CNTN5: variants seen among roughly 807,000 people sequenced by gnomAD.
CNTN5 encodes the protein contactin-5.
A neutral mutation model predicts 129.1 loss-of-function variants in CNTN5; 77 were observed. The observed-to-expected ratio is 0.60, with a 90% CI of 0.50 to 0.72. The LOEUF is 0.72. Ranked by LOEUF, CNTN5 falls within the 30% of genes least tolerant of loss-of-function variation. The probability of loss-of-function intolerance (pLI) is 0.00; values close to 1 mark genes in which losing one functional copy is unlikely to be tolerated. For synonymous variants in CNTN5, 509 were observed against 465.6 expected, an observed-to-expected ratio of 1.09 and a Z score of -1.20; for missense variants, 1,478 against 1,328.8, an observed-to-expected ratio of 1.11 and a Z score of -1.75.
chr11:99,866,519 A>G (rs1304083958), intron 6 of CNTN5, among the ~76,000 whole-genome samples: 1 of 152,202 alleles, frequency 6.6e-6, no homozygotes, highest in Non-Finnish European at 1.5e-5. Context: ...GTGTGGCTAA[A>G]GTCTTCTCAA....
intron 2 of CNTN5, among the ~76,000 whole-genome samples, chr11:99,463,117 A>G (rs1944785340): frequency 6.8e-6 from 1 of 146,598 alleles, no homozygotes; most frequent in South Asian, 2.1e-4. Context: ...CAAAATAAAT[A>G]AATAAATAAA....
chr11:100,020,071 C>G (rs79455964), intron 9 of CNTN5, among the ~76,000 whole-genome samples: 1,818 of 151,956 alleles, frequency 0.012, 10 homozygotes, highest in Non-Finnish European at 0.018. Flanking sequence ...AATATTTTCT[C>G]CCATCTCATA....
chr11:100,137,671 T>C (rs1184167928), intron 13 of CNTN5, among the ~76,000 whole-genome samples: 1 of 152,120 alleles, frequency 6.6e-6, no homozygotes, highest in African/African-American at 2.4e-5. Flanking sequence ...TATTGAGAAC[T>C]TGGGCAAGTC....
At chr11:100,272,568 G>T (rs1950425964) in intron 18 of CNTN5, among the ~76,000 whole-genome samples, 1 of 152,018 alleles carries the variant, frequency 6.6e-6, no homozygotes, top group South Asian at 2.1e-4. Context: ...TGGCCCACTA[G>T]ACTCAAGACA....
At chr11:99,193,981 A>C (rs373547347) in intron 1 of CNTN5, among the ~76,000 whole-genome samples, 21,534 of 152,164 alleles carry the variant, frequency 0.14, 1,982 homozygotes, top group Non-Finnish European at 0.21. Flanking sequence ...ATGAATAGAG[A>C]ACATGGTAAG....
intron 1 of CNTN5, among the ~76,000 whole-genome samples, chr11:99,239,423 T>C (rs1413080401): frequency 6.6e-6 from 1 of 152,250 alleles, no homozygotes; most frequent in Non-Finnish European, 1.5e-5. Flanking sequence ...GGAACATTTT[T>C]TGATAGAGTC....
chr11:99,125,065 A>C (rs1200177093), intron 1 of CNTN5, among the ~76,000 whole-genome samples: 1 of 152,048 alleles, frequency 6.6e-6, no homozygotes, highest in African/African-American at 2.4e-5. Flanking sequence ...AATCCTACTG[A>C]AACTATTACA....
chr11:99,693,939 A>G (rs659505), intron 3 of CNTN5, among the ~76,000 whole-genome samples: 116,108 of 151,882 alleles, frequency 0.76, 44,701 homozygotes, highest in Middle Eastern at 0.86. Context: ...CTTTTGAGTG[A>G]GAGGAAGTCT....
intron 9 of CNTN5, among the ~76,000 whole-genome samples, chr11:100,025,728 A>G (rs938719099): frequency 6.6e-6 from 1 of 152,154 alleles, no homozygotes; most frequent in African/African-American, 2.4e-5. Context: ...TTAAGATTTG[A>G]CTGCCTCACT....
At chr11:100,129,814 A>C (rs552545762) in intron 13 of CNTN5, among the ~76,000 whole-genome samples, 46 of 151,306 alleles carry the variant, frequency 3.0e-4, no homozygotes, top group Middle Eastern at 3.4e-3. Flanking sequence ...AAAAACGAGA[A>C]TCTCATATAT....
At chr11:100,168,214 A>G (rs1008374977) in intron 13 of CNTN5, among the ~76,000 whole-genome samples, 2 of 152,008 alleles carry the variant, frequency 1.3e-5, no homozygotes, top group Non-Finnish European at 2.9e-5. Context: ...GCAGCAAGTT[A>G]CCCAGAAGAT....
At chr11:99,273,176 C>T (rs531505284) in intron 1 of CNTN5, among the ~76,000 whole-genome samples, 2 of 151,784 alleles carry the variant, frequency 1.3e-5, no homozygotes, top group South Asian at 4.2e-4. Context: ...GGGAAAAAGC[C>T]AAAAACAGAA....
intron 3 of CNTN5, among the ~76,000 whole-genome samples, chr11:99,799,047 T>G (rs996518355): frequency 6.6e-6 from 1 of 152,098 alleles, no homozygotes; most frequent in Non-Finnish European, 1.5e-5. Context: ...GATTATGTTC[T>G]TGTTATGGTC....
intron 3 of CNTN5, among the ~76,000 whole-genome samples, chr11:99,688,967 A>G (rs368951576): frequency 2.2e-4 from 33 of 152,214 alleles, no homozygotes; most frequent in African/African-American, 7.0e-4. Context: ...AGAGTATTCC[A>G]TGGTATATAT....
At chr11:99,513,228 G>A (rs1366710620) in intron 2 of CNTN5, among the ~76,000 whole-genome samples, 1 of 152,174 alleles carries the variant, frequency 6.6e-6, no homozygotes, top group Admixed American at 6.6e-5. Flanking sequence ...TTTGAAGGCT[G>A]ACAGAGTTGA....
In CNTN5 at chr11:99,315,956, G is replaced by A. The variant is rs540806151; in HGVS notation, c.-209-9390G>A. ...TGACGCAAATTATAGAGAGGTAAAT[G>A]GATTTGTGTGCCTCATGGGTATATG... On this transcript the variant is annotated intron_variant, in intron 1 of 24. Transcript: ENST00000524871. 2.9e-4 allele frequency among the ~76,000 whole-genome samples: 38 copies of A among 129,444 alleles called. 3 individuals are homozygous for A. Among genetic ancestry groups the A allele is most frequent in the Middle Eastern group, 8.5e-3 (2 of 236 alleles). 84.9% of individuals were successfully genotyped at this position (129,444 alleles called of 152,430 possible).
In CNTN5 at chr11:100,214,992, T is replaced by C. The variant is rs113141064; in HGVS notation, c.1885-9700T>C. On this transcript the variant is annotated intron_variant, in intron 15 of 24. Transcript: ENST00000524871. ...GGGTGCTATATGCCAGAAGCCTCAG[T>C]TGTGGATATTGGATAGGTTCCCGAG... Among the ~76,000 whole-genome samples, 595 of 152,222 alleles carry C rather than the reference T, an allele frequency of 3.9e-3. 2 individuals are homozygous for C. Among genetic ancestry groups the C allele is most frequent in the Admixed American group, 6.5e-3 (100 of 15,276 alleles).
chr11:99,481,878 A>C (rs1162150541), intron 2 of CNTN5, among the ~76,000 whole-genome samples: 1 of 152,194 alleles, frequency 6.6e-6, no homozygotes, highest in African/African-American at 2.4e-5. Context: ...TTATATTTCT[A>C]TATCTCCTTG....
chr11:99,765,649 G>A (rs1412614674), intron 3 of CNTN5, among the ~76,000 whole-genome samples: 1 of 150,720 alleles, frequency 6.6e-6, no homozygotes, highest in African/African-American at 2.4e-5. Flanking sequence ...GATCTAGAAT[G>A]CTGTTACAAA....
Sources: allele counts gnomAD v4.1 joint callset (sites outside exome capture counted in the v4.1 genomes callset), GRCh38; gene constraint gnomAD v4.1.1; transcripts MANE v1.5; gene names NCBI Gene and HGNC (gene_info 2026-07-23, HGNC 2026-07-21).